TOX3: variants seen among roughly 807,000 people sequenced by gnomAD.
TOX3 encodes CAG trinucleotide repeat-containing gene F9 protein.
Under a neutral mutation model 64.3 loss-of-function variants are expected in TOX3, and 22 were observed. That is an observed-to-expected ratio of 0.34 (90% CI 0.24 to 0.49). The LOEUF (loss-of-function observed/expected upper bound fraction) is 0.49, where lower values mean the gene tolerates loss of function less well. Ranked by LOEUF, TOX3 falls within the 20% of genes least tolerant of loss-of-function variation. The probability of loss-of-function intolerance (pLI) is 0.99; values close to 1 mark genes in which losing one functional copy is unlikely to be tolerated. For missense variants in TOX3, 661 were observed against 714.4 expected, an observed-to-expected ratio of 0.93 and a Z score of 0.85; for synonymous variants, 291 against 273.6, an observed-to-expected ratio of 1.06 and a Z score of -0.63.
chr16:52,528,938 T>A (rs905953987), intron 1 of TOX3, among the ~76,000 whole-genome samples: 2 of 152,202 alleles, frequency 1.3e-5, no homozygotes, highest in Non-Finnish European at 2.9e-5. Context: ...ATGCCCTGCA[T>A]GAGTGCAGAA....
At chr16:52,504,425 T>C (rs7184835) in intron 1 of TOX3, among the ~76,000 whole-genome samples, 90,565 of 148,184 alleles carry the variant, frequency 0.61, 30,059 homozygotes, top group African/African-American at 0.89. Context: ...CGAGATCGTG[T>C]CACTGCACTC....
At chr16:52,457,866 C>T (rs989612491) in intron 3 of TOX3, among the ~76,000 whole-genome samples, 1 of 152,118 alleles carries the variant, frequency 6.6e-6, no homozygotes, top group South Asian at 2.1e-4. Flanking sequence ...AATAACTACT[C>T]TCAGGGTTGT....
intron 1 of TOX3, among the ~76,000 whole-genome samples, chr16:52,530,195 A>G (rs114768677): frequency 7.4e-4 from 113 of 152,330 alleles, no homozygotes; most frequent in Middle Eastern, 6.8e-3. Flanking sequence ...AACATTTATC[A>G]TCAGGAAAAG....
At chr16:52,477,958 C>G (rs1206127060) in intron 1 of TOX3, among the ~76,000 whole-genome samples, 1 of 152,134 alleles carries the variant, frequency 6.6e-6, no homozygotes, top group Non-Finnish European at 1.5e-5. Context: ...CCACTTAAGT[C>G]TCCCAAGTCA....
In TOX3 at chr16:52,439,437, GCAGCTGCTGTTGATTAATTTGCTGCTGGA is replaced by G; in HGVS notation, c.1490_1518del (p.Leu497ProfsTer95). The G allele has an allele frequency of 6.5e-7, 1 of 1,533,780 alleles. No homozygotes were observed. On this transcript the variant is annotated frameshift_variant, in exon 7 of 7. Coordinates refer to ENST00000219746, the MANE Select transcript of TOX3 (RefSeq NM_001080430.4). LOFTEE classifies it high-confidence loss of function. ...TGGAGGCGCTGCTGCAGCTGCTGCT[GCAGCTGCTGTTGATTAATTTGCTGCTGGA>G]GATGCTGCTGCTGCTGCTGCAGGTG...
At chr16:52,485,170 T>C (rs911610021) in intron 1 of TOX3, among the ~76,000 whole-genome samples, 1 of 149,878 alleles carries the variant, frequency 6.7e-6, no homozygotes, top group African/African-American at 2.5e-5. Context: ...TACATGTATG[T>C]ATATATGCGT....
chr16:52,439,665 G>T lies in TOX3; in HGVS notation c.1291C>A (p.Gln431Lys). ...TGGGTTTGCACCGAAGGACTCACTT[G>T]GGTGGAGGGTGCTGAGCCAACCATG... ...TTMVGSAPST[Q>K]VSPSVQTQQH... is the part of the protein sequence containing the mutation. The change falls in exon 7 of 7, where the codon CAA becomes AAA. Residue 431 changes from glutamine (Q) to lysine (K), a missense_variant. This residue lies in a region of TOX3 where 299 missense variants were observed against 292.1 expected (regional missense o/e 1.02). Transcript: ENST00000219746. 1 of 1,613,886 alleles carries T rather than the reference G, an allele frequency of 6.2e-7. No homozygotes were observed.
chr16:52,536,627 CTATATATATA>C (rs57164139), intron 1 of TOX3, among the ~76,000 whole-genome samples: 4,154 of 34,220 alleles, frequency 0.12, 293 homozygotes, highest in Admixed American at 0.17. Context: ...TAGATATACA[CTATATATATA>C]TATATATATA....
intron 1 of TOX3, among the ~76,000 whole-genome samples, chr16:52,515,500 C>A (rs1224771160): frequency 6.6e-6 from 1 of 152,200 alleles, no homozygotes; most frequent in Non-Finnish European, 1.5e-5. Flanking sequence ...TCCCTACCAG[C>A]TTTGGGAAGC....
intron 1 of TOX3, among the ~76,000 whole-genome samples, chr16:52,538,257 A>G (rs1378611635): frequency 6.6e-6 from 1 of 152,326 alleles, no homozygotes. Context: ...TTTGAAGAAG[A>G]TCAACTTCCA....
intron 6 of TOX3, among the ~76,000 whole-genome samples, chr16:52,443,933 G>GA (rs1960080494): frequency 6.6e-6 from 1 of 152,086 alleles, no homozygotes; most frequent in African/African-American, 2.4e-5. Context: ...AAAAATGCCT[G>GA]ACAAACATAC....
At chr16:52,514,260 C>A (rs904112002) in intron 1 of TOX3, among the ~76,000 whole-genome samples, 1 of 152,202 alleles carries the variant, frequency 6.6e-6, no homozygotes, top group Non-Finnish European at 1.5e-5. Context: ...ACTTATCAGA[C>A]GGCCACCCAA....
intron 1 of TOX3, among the ~76,000 whole-genome samples, chr16:52,476,920 G>A (rs1197019171): frequency 6.6e-6 from 1 of 152,108 alleles, no homozygotes; most frequent in Non-Finnish European, 1.5e-5. Flanking sequence ...AAATCTAGGA[G>A]GAGGAGTCAA....
At chr16:52,478,752 T>C (rs1299405425) in intron 1 of TOX3, among the ~76,000 whole-genome samples, 1 of 152,182 alleles carries the variant, frequency 6.6e-6, no homozygotes, top group African/African-American at 2.4e-5. Flanking sequence ...GTTACCTCTC[T>C]GAACTTCTGT....
chr16:52,441,759 T>C lies in TOX3; in HGVS notation c.988-1791A>G, dbSNP rs954877784. On this transcript the variant is annotated intron_variant, in intron 6 of 6. Coordinates refer to ENST00000219746, the MANE Select transcript of TOX3 (RefSeq NM_001080430.4). Reference sequence around the variant, plus strand: ...ACCTCATATAGAGAGTCATCCAGTGTAGGAAAAGCCATCTCTGATGTTTTC... The same window carrying C: ...ACCTCATATAGAGAGTCATCCAGTGCAGGAAAAGCCATCTCTGATGTTTTC... 9.2e-5 allele frequency among the ~76,000 whole-genome samples: 14 copies of C among 152,210 alleles called. 1 individual carries two copies. Among genetic ancestry groups the C allele is most frequent in the Admixed American group, 2.6e-4 (4 of 15,284 alleles).
chr16:52,471,550 C>T (rs933084407), intron 1 of TOX3, among the ~76,000 whole-genome samples: 8 of 152,084 alleles, frequency 5.3e-5, no homozygotes, highest in African/African-American at 1.9e-4. Context: ...GGGGAAGGGG[C>T]CTTAACTGTG....
intron 1 of TOX3, among the ~76,000 whole-genome samples, chr16:52,516,052 G>A (rs1045436850): frequency 6.6e-6 from 1 of 151,656 alleles, no homozygotes; most frequent in African/African-American, 2.4e-5. Context: ...AATCCTCAAA[G>A]AATCAATCAC....
At chr16:52,443,096 T>G (rs1344915551) in intron 6 of TOX3, among the ~76,000 whole-genome samples, 1 of 152,210 alleles carries the variant, frequency 6.6e-6, no homozygotes, top group Admixed American at 6.5e-5. Context: ...GATAAATGAA[T>G]GAATAAATGA....
intron 1 of TOX3, among the ~76,000 whole-genome samples, chr16:52,510,402 A>G (rs989450290): frequency 1.3e-5 from 2 of 152,232 alleles, no homozygotes; most frequent in Non-Finnish European, 2.9e-5. Context: ...CAAAATAAAA[A>G]TGGATTTAGT....
Sources: gnomAD v4.1 joint callset for allele counts (sites outside exome capture counted in the v4.1 genomes callset) on GRCh38, gnomAD v4.1.1 for gene constraint, gnomAD v4.1.1 regional missense constraint, MANE v1.5 for transcripts, NCBI Gene and HGNC (gene_info 2026-07-23, HGNC 2026-07-21) for gene names.